The following USP6NL variants were observed in gnomAD, a reference collection of about 807,000 sequenced individuals.
USP6NL encodes the protein USP6 N-terminal-like protein.
In USP6NL, 26 loss-of-function variants were observed where a neutral mutation model predicts 61.9. That is an observed-to-expected ratio of 0.42 (90% CI 0.31 to 0.58). The LOEUF (loss-of-function observed/expected upper bound fraction) is 0.58, where lower values mean the gene tolerates loss of function less well. Among genes scored for constraint, USP6NL ranks in the 20% least tolerant of loss-of-function variants. The probability of loss-of-function intolerance (pLI) is 0.16; values close to 1 mark genes in which losing one functional copy is unlikely to be tolerated. For synonymous variants in USP6NL, 432 were observed against 390.1 expected (o/e 1.11, Z -1.27); for missense variants, 1,114 against 1,034.3 (o/e 1.08, Z -1.06).
chr10:11,605,286 C>T (rs80187056), intron 1 of USP6NL, among the ~76,000 whole-genome samples: 152 of 152,224 alleles, frequency 1.0e-3, no homozygotes, highest in African/African-American at 3.5e-3. Context: ...ACCAAGGGAG[C>T]CATCTCTGCT....
chr10:11,555,796 A>G (rs772528486), intron 2 of USP6NL, among the ~76,000 whole-genome samples: 2 of 152,214 alleles, frequency 1.3e-5, no homozygotes, highest in South Asian at 2.1e-4. Flanking sequence ...ATGGGCAGCA[A>G]TAAGATCAAC....
chr10:11,536,273 T>C (rs1054889624), intron 2 of USP6NL, among the ~76,000 whole-genome samples: 3 of 152,206 alleles, frequency 2.0e-5, no homozygotes, highest in East Asian at 3.9e-4. Flanking sequence ...TTTCCCTTTA[T>C]TGGGAGATCA....
rs542418834 is a variant in USP6NL, at chr10:11,528,359, C to T, written c.5-792G>A. On this transcript the variant is annotated intron_variant, in intron 2 of 14. Coordinates refer to ENST00000609104, the MANE Select transcript of USP6NL (RefSeq NM_014688.5). The surrounding 1 kb of genome is among the most constrained non-coding windows in gnomAD (Gnocchi z 4.6). ...AGGCAAAGGTTATGAGCAAGAAATT[C>T]CTAAAAGTAGCAACAGCAGTAACAA... Among the ~76,000 whole-genome samples the T allele has an allele frequency of 3.0e-4, 45 of 151,586 alleles. No homozygotes were observed. Among genetic ancestry groups the T allele is most frequent in the African/African-American group, 1.1e-3 (44 of 41,316 alleles).
At chr10:11,563,760 C>T (rs1837026659) in intron 2 of USP6NL, 1 of 152,156 alleles carries the variant, frequency 6.6e-6, no homozygotes, top group Non-Finnish European at 1.5e-5. Flanking sequence ...TCCAGTCCCA[C>T]ATTTCCAAGG....
chr10:11,606,324 T>C (rs12763566), intron 1 of USP6NL, among the ~76,000 whole-genome samples: 1 of 152,158 alleles, frequency 6.6e-6, no homozygotes, highest in South Asian at 2.1e-4. Flanking sequence ...CTTGTCAATA[T>C]TACATCCACT....
rs1033662246 is a variant in USP6NL at position 11,460,640 on chromosome 10, TATATATATATATATAA to T, written c.*1785_*1800del. ...TATTTTTTGCATATATATATATATATATATATATATATATAAAAATCTACAGTATTTACCACTGTTG... is the reference window on the plus strand; with the variant it reads ...TATTTTTTGCATATATATATATATATAAATCTACAGTATTTACCACTGTTG... On this transcript the variant is annotated 3_prime_UTR_variant, in exon 15 of 15. Coordinates refer to ENST00000609104, the MANE Select transcript of USP6NL (RefSeq NM_014688.5). The T allele has an allele frequency of 6.0e-4, 88 of 145,460 alleles. No homozygotes were observed. The highest frequency in any genetic ancestry group is 2.2e-3 in the African/African-American group (87 of 39,690). The allele number at this position is 145,460 out of a possible 1,614,324, so 9.0% of individuals were successfully genotyped here. A position where few individuals can be genotyped will look rare whatever the true frequency, so the allele number is the denominator to read the frequency against.
rs1026394448 is a variant in USP6NL at position 11,592,596 on chromosome 10, C to T, written c.4+5035G>A. On this transcript the variant is annotated intron_variant, in intron 2 of 14. Transcript: ENST00000609104. This position sits in a 1 kb window ranked among gnomAD's most constrained non-coding sequence, Gnocchi z 4.7. ...TACTTTGTAAGGGGATTTAAGATTC[C>T]ATTAAATAACAGACATGCTGGCATT... Among the ~76,000 whole-genome samples the T allele has an allele frequency of 6.6e-6, 1 of 152,112 alleles. No homozygotes were observed. The highest frequency in any genetic ancestry group is 1.5e-5 in the Non-Finnish European group (1 of 68,010).
chr10:11,524,075 G>A (rs565238083), intron 4 of USP6NL, among the ~76,000 whole-genome samples: 2 of 152,182 alleles, frequency 1.3e-5, no homozygotes, highest in East Asian at 3.9e-4. Context: ...AAAAAGTAGG[G>A]GTGGAAGTTT....
chr10:11,494,992 G>A (rs1020496469), intron 7 of USP6NL, among the ~76,000 whole-genome samples: 4 of 151,988 alleles, frequency 2.6e-5, no homozygotes, highest in Non-Finnish European at 4.4e-5. Flanking sequence ...AAACTCCCCC[G>A]GGGAAAGGGA....
Position 11,520,836 on chromosome 10 carries a change from A to G in USP6NL, c.156-2262T>C, listed in dbSNP as rs914291305. 3.9e-5 allele frequency among the ~76,000 whole-genome samples: 6 copies of G among 152,214 alleles called. No individual in the cohort carries two copies. The highest frequency in any genetic ancestry group is 2.6e-4 in the Admixed American group (4 of 15,276). On this transcript the variant is annotated intron_variant, in intron 4 of 14. Transcript: ENST00000609104. This position sits in a 1 kb window ranked among gnomAD's most constrained non-coding sequence, Gnocchi z 5.2. ...CAAAGACCGTATGACCTACAAAGCCAAAGATCCTTCATATCTGGCTCTTTA... is the reference window on the plus strand; with the variant it reads ...CAAAGACCGTATGACCTACAAAGCCGAAGATCCTTCATATCTGGCTCTTTA...
intron 3 of USP6NL, among the ~76,000 whole-genome samples, chr10:11,526,874 G>T (rs931670337): frequency 6.6e-6 from 1 of 152,030 alleles, no homozygotes; most frequent in Non-Finnish European, 1.5e-5. Flanking sequence ...AGGATAAAAC[G>T]TTAATGGAAA....
At chr10:11,544,500 T>G (rs1836199277) in intron 2 of USP6NL, among the ~76,000 whole-genome samples, 1 of 152,178 alleles carries the variant, frequency 6.6e-6, no homozygotes, top group Non-Finnish European at 1.5e-5. Flanking sequence ...TTTCTTTTTT[T>G]TTTTAAGACA....
chr10:11,606,849 G>A (rs1295687053), intron 1 of USP6NL, among the ~76,000 whole-genome samples: 1 of 150,792 alleles, frequency 6.6e-6, no homozygotes, highest in Admixed American at 6.6e-5. Flanking sequence ...GGAGTGCAGT[G>A]GTGTGATCTC....
chr10:11,542,041 A>C (rs1440186151), intron 2 of USP6NL, among the ~76,000 whole-genome samples: 3 of 152,246 alleles, frequency 2.0e-5, no homozygotes, highest in African/African-American at 7.2e-5. Flanking sequence ...ATTCTGCCCT[A>C]TCTCTATGGA....
chr10:11,586,297 G>A (rs1258188323), intron 2 of USP6NL, among the ~76,000 whole-genome samples: 1 of 151,030 alleles, frequency 6.6e-6, no homozygotes, highest in Non-Finnish European at 1.5e-5. Context: ...TCTAGTCTAT[G>A]GAATTCCAGT....
rs1835694714 is a variant in USP6NL, at chr10:11,532,361, TTTAAAC to T, written c.5-4800_5-4795del. The T allele has an allele frequency of 1.5e-6, 1 of 664,178 alleles. No individual in the cohort carries two copies. Among genetic ancestry groups the T allele is most frequent in the Non-Finnish European group, 2.4e-6 (1 of 417,540 alleles). 41.1% of individuals were successfully genotyped at this position (664,178 alleles called of 1,614,324 possible). A position where few individuals can be genotyped will look rare whatever the true frequency, so the allele number is the denominator to read the frequency against. ...CAAAGAAAGGCAGAGGCAGCTCTAC[TTTAAAC>T]TATCTGTGAAACAAGCACAAGAAGA... On this transcript the variant is annotated intron_variant, in intron 2 of 14. Transcript: ENST00000609104. The surrounding 1 kb of genome is among the most constrained non-coding windows in gnomAD (Gnocchi z 4.1).
chr10:11,460,654 T>TATAA lies in USP6NL; in HGVS notation c.*1786_*1787insTTAT, dbSNP rs879066038. 1.8e-3 allele frequency: 239 copies of TATAA among 133,546 alleles called. 1 individual carries two copies. The highest frequency in any genetic ancestry group is 4.1e-3 in the South Asian group (17 of 4,130). 8.3% of individuals were successfully genotyped at this position (133,546 alleles called of 1,614,324 possible). On this transcript the variant is annotated 3_prime_UTR_variant, in exon 15 of 15. Coordinates refer to ENST00000609104, the MANE Select transcript of USP6NL (RefSeq NM_014688.5). ...ATATATATATATATATATATATATA[T>TATAA]AAAAATCTACAGTATTTACCACTGT...
chr10:11,560,539 T>C (rs868734982), intron 2 of USP6NL, among the ~76,000 whole-genome samples: 2 of 151,816 alleles, frequency 1.3e-5, no homozygotes, highest in African/African-American at 4.8e-5. Context: ...CTCCTTTCCT[T>C]AGTACCGTAA....
At chr10:11,579,565 A>G (rs1837669641) in intron 2 of USP6NL, among the ~76,000 whole-genome samples, 1 of 151,974 alleles carries the variant, frequency 6.6e-6, no homozygotes, top group Admixed American at 6.6e-5. Context: ...CATTTTCTCT[A>G]CTCAGATTTT....
Sources: gnomAD v4.1 joint callset for allele counts (sites outside exome capture counted in the v4.1 genomes callset) on GRCh38, gnomAD v4.1.1 for gene constraint, Gnocchi (gnomAD v3.1) non-coding constraint, MANE v1.5 for transcripts, NCBI Gene and HGNC (gene_info 2026-07-23, HGNC 2026-07-21) for gene names.